Variants in PFKFB4 observed in about 807,000 individuals in gnomAD.
The protein encoded by PFKFB4 is 6-phosphofructo-2-kinase/fructose-2,6-bisphosphatase 4.
Under a neutral mutation model 62.8 loss-of-function variants are expected in PFKFB4, and 42 were observed. That is an observed-to-expected ratio of 0.67 (90% CI 0.52 to 0.86). PFKFB4 has a LOEUF of 0.86. PFKFB4 is among the 40% of genes least tolerant of loss of function. PFKFB4 has a pLI of 0.00. For synonymous variants in PFKFB4, 204 were observed against 240.7 expected (o/e 0.85, Z 1.41); for missense variants, 475 against 627.2 (o/e 0.76, Z 2.59).
chr3:48,537,750 C>G (rs920026894), intron 7 of PFKFB4, among the ~76,000 whole-genome samples: 1 of 151,964 alleles, frequency 6.6e-6, no homozygotes, highest in Non-Finnish European at 1.5e-5. Flanking sequence ...GTCTCAAAAT[C>G]CTAGGCTCAT....
chr3:48,545,579 G>C (rs1016742309), intron 3 of PFKFB4, among the ~76,000 whole-genome samples: 3 of 152,094 alleles, frequency 2.0e-5, no homozygotes, highest in African/African-American at 7.2e-5. Flanking sequence ...CTGAGTCCAG[G>C]GCACTGAAAA....
At chr3:48,542,283 G>A (rs1463135838) in intron 4 of PFKFB4, among the ~76,000 whole-genome samples, 5 of 148,390 alleles carry the variant, frequency 3.4e-5, no homozygotes, top group South Asian at 2.1e-4. Context: ...GTAGTGAGCC[G>A]AGATCACGCC....
At chr3:48,554,787 C>T (rs957295264) in intron 1 of PFKFB4, among the ~76,000 whole-genome samples, 22 of 152,172 alleles carry the variant, frequency 1.4e-4, no homozygotes, top group Non-Finnish European at 3.2e-4. Context: ...CATGGCAGCT[C>T]ATGCCTGTAA....
At chr3:48,561,047 C>T (rs1302868919), upstream of PFKFB4, 1 of 1,278,358 alleles carries the variant, frequency 7.8e-7, no homozygotes. The surrounding 1 kb of genome is among the most constrained non-coding windows in gnomAD (Gnocchi z 5.2). Context: ...CTGTCCCGTG[C>T]CTACCCCGCC....
At chr3:48,563,059 C>G (rs2043462312), upstream of PFKFB4, 2 of 1,611,996 alleles carry the variant, frequency 1.2e-6, no homozygotes, top group Non-Finnish European at 1.7e-6. This position sits in a 1 kb window ranked among gnomAD's most constrained non-coding sequence, Gnocchi z 4.5. Context: ...GGATAGGGGT[C>G]ACTGGGACAA....
upstream of PFKFB4, chr3:48,562,848 TGGCCCG>T: frequency 6.3e-7 from 1 of 1,586,692 alleles, no homozygotes; most frequent in Non-Finnish European, 8.6e-7. The surrounding 1 kb of genome is among the most constrained non-coding windows in gnomAD (Gnocchi z 4.3). Flanking sequence ...CTGGCAGCCC[TGGCCCG>T]GGCTTGCTCC....
At chr3:48,560,653 G>T (rs778356010), upstream of PFKFB4, among the ~76,000 whole-genome samples, 4 of 152,204 alleles carry the variant, frequency 2.6e-5, no homozygotes, top group Non-Finnish European at 4.4e-5. Flanking sequence ...CACCCTAGAA[G>T]TGCTGGTTTA....
At chr3:48,562,909 A>T (rs1366742026), upstream of PFKFB4, 1 of 1,605,584 alleles carries the variant, frequency 6.2e-7, no homozygotes, top group Non-Finnish European at 8.5e-7. This position sits in a 1 kb window ranked among gnomAD's most constrained non-coding sequence, Gnocchi z 4.3. Flanking sequence ...GCGATAGGAC[A>T]ATGCGCGAGC....
At chr3:48,550,771 C>T (rs1302764927) in intron 1 of PFKFB4, among the ~76,000 whole-genome samples, 1 of 152,206 alleles carries the variant, frequency 6.6e-6, no homozygotes, top group Non-Finnish European at 1.5e-5. Context: ...GAGTCCTTTC[C>T]CCAAGGCATC....
chr3:48,549,827 A>T (rs776425513), intron 3 of PFKFB4, 37 bp downstream of exon 3: 2 of 1,312,286 alleles, frequency 1.5e-6, no homozygotes, highest in Non-Finnish European at 2.2e-6. Context: ...TGGGTCCCCC[A>T]GCAACCTCTC....
chr3:48,524,794 ATTTTTAT>A (rs901727881), intron 10 of PFKFB4, among the ~76,000 whole-genome samples: 11 of 152,056 alleles, frequency 7.2e-5, no homozygotes, highest in African/African-American at 2.7e-4. Context: ...GACGGGGTGT[ATTTTTAT>A]TTGGCCCCTG....
chr3:48,520,698 G>A (rs2042071306), intron 13 of PFKFB4, among the ~76,000 whole-genome samples: 1 of 152,232 alleles, frequency 6.6e-6, no homozygotes, highest in Admixed American at 6.5e-5. Flanking sequence ...CCCAATGGAT[G>A]GGCCAGAAGG....
chr3:48,549,931 C>G lies in PFKFB4; in HGVS notation c.244G>C (p.Val82Leu), dbSNP rs749211693. The G allele has an allele frequency of 6.8e-6, 11 of 1,613,598 alleles. No individual in the cohort carries two copies. The highest frequency in any genetic ancestry group is 9.3e-6 in the Non-Finnish European group (11 of 1,179,616). Residue 82 changes from valine to leucine, a missense_variant, in exon 3 of 14, where the codon GTG becomes CTG. Val to Leu is a conservative substitution (Grantham distance 32, BLOSUM62 1). Transcript: ENST00000232375. ...TCAAAAGATTTGTAGGTCTTGACCA[C>G]GTCCCGGCGATACTGGCCAACATTG... ...EFNVGQYRRD[V>L]VKTYKSFEFF...
rs1215222252 is a variant in PFKFB4, at chr3:48,521,923, G to A, written c.1350+63C>T. On this transcript the variant is annotated intron_variant, in intron 13 of 13. Coordinates refer to ENST00000232375, the MANE Select transcript of PFKFB4 (RefSeq NM_004567.4). This position sits in a 1 kb window ranked among gnomAD's most constrained non-coding sequence, Gnocchi z 5.3. Reference sequence around the variant, plus strand: ...GCAGCTGGGCCTGGCCCTGGAGGATGTGCAGTCTGGACACCCCCACATCAG... The same window carrying A: ...GCAGCTGGGCCTGGCCCTGGAGGATATGCAGTCTGGACACCCCCACATCAG... 5.2e-6 allele frequency: 7 copies of A among 1,351,492 alleles called. No individual in the cohort carries two copies. The highest frequency in any genetic ancestry group is 2.9e-5 in the African/African-American group (2 of 70,000). 83.7% of individuals were successfully genotyped at this position (1,351,492 alleles called of 1,614,324 possible). A position where few individuals can be genotyped will look rare whatever the true frequency, so the allele number is the denominator to read the frequency against.
Position 48,525,547 on chromosome 3 carries a change from G to A in PFKFB4, c.1092+18C>T. On this transcript the variant is annotated intron_variant, in intron 10 of 13. Transcript: ENST00000232375. ...GCGGGCAGTAGGTGGCTGGGACTAA[G>A]CCCCAAATCCCACCTACCTCCCCTT... 3 of 1,439,812 alleles carry A rather than the reference G, an allele frequency of 2.1e-6. No individual in the cohort carries two copies. The highest frequency in any genetic ancestry group is 2.9e-6 in the Non-Finnish European group (3 of 1,041,694). 89.2% of individuals were successfully genotyped at this position (1,439,812 alleles called of 1,614,324 possible).
intron 9 of PFKFB4, 26 bp from the exon 10 acceptor site, chr3:48,525,695 C>T (rs745489743): frequency 2.2e-6 from 3 of 1,346,816 alleles, no homozygotes; most frequent in Non-Finnish European, 3.1e-6. Context: ...AGTCATCACA[C>T]CTCCTACAGG....
At chr3:48,544,857 G>C (rs984024713) in intron 3 of PFKFB4, among the ~76,000 whole-genome samples, 1 of 151,842 alleles carries the variant, frequency 6.6e-6, no homozygotes, top group African/African-American at 2.4e-5. Context: ...CCAAGTACCA[G>C]GGATTATGGG....
rs534134038 is a variant in PFKFB4 at position 48,530,474 on chromosome 3, A to C, written c.988-4805T>G. 7.2e-5 allele frequency among the ~76,000 whole-genome samples: 11 copies of C among 152,294 alleles called. No individual in the cohort carries two copies. The South Asian group carries it at 1.5e-3, about 20-fold the overall frequency. ...CCTGAGAATGTCTTTGAAAAGCTTT[A>C]AGGTAAAGACTATTGGAATAAAAAC... On this transcript the variant is annotated intron_variant, in intron 9 of 13. Transcript: ENST00000232375.
chr3:48,559,898 C>CCACACACACA (rs34826551), upstream of PFKFB4: 1,030 of 191,704 alleles, frequency 5.4e-3, 16 homozygotes, highest in African/African-American at 7.4e-3. Flanking sequence ...AACCATCCCA[C>CCACACACACA]CACACACACA....
Sources: gnomAD v4.1 joint callset for allele counts (sites outside exome capture counted in the v4.1 genomes callset) on GRCh38, gnomAD v4.1.1 for gene constraint, Gnocchi (gnomAD v3.1) non-coding constraint, MANE v1.5 for transcripts, NCBI Gene and HGNC (gene_info 2026-07-23, HGNC 2026-07-21) for gene names.